Variants in MFNG observed in about 807,000 individuals in gnomAD.
MFNG encodes MFNG O-fucosylpeptide 3-beta-N-acetylglucosaminyltransferase, also known as beta-1,3-N-acetylglucosaminyltransferase manic fringe.
A neutral mutation model predicts 34.2 loss-of-function variants in MFNG; 24 were observed. The ratio of observed to expected loss-of-function variants is 0.70; its 90% CI spans 0.51 to 0.99. MFNG has a LOEUF of 0.99. MFNG is among the 50% of genes least tolerant of loss of function. The pLI is 0.00. For synonymous variants in MFNG, 158 were observed against 179.2 expected (o/e 0.88, Z 0.94); for missense variants, 383 against 424.0 (o/e 0.90, Z 0.85).
chr22:37,476,344 A>G (rs939329193), intron 5 of MFNG, among the ~76,000 whole-genome samples: 3 of 151,908 alleles, frequency 2.0e-5, no homozygotes, highest in African/African-American at 7.3e-5. Flanking sequence ...ATTATGAATA[A>G]TATCACAGGA....
In MFNG at chr22:37,482,096, A is replaced by C. The variant is rs892351142; in HGVS notation, c.256-1327T>G. Among the ~76,000 whole-genome samples the C allele has an allele frequency of 2.0e-5, 3 of 152,196 alleles. No individual in the cohort carries two copies. The highest frequency in any genetic ancestry group is 7.2e-5 in the African/African-American group (3 of 41,450). On this transcript the variant is annotated intron_variant, in intron 1 of 7. Transcript: ENST00000356998. The surrounding 1 kb of genome is among the most constrained non-coding windows in gnomAD (Gnocchi z 4.1). ...ATAGGAGGCCAGGAGGCCGGGAGCC[A>C]GGTTTGACACAGGAAGGGGCAGGAG...
In MFNG at chr22:37,480,622, G is replaced by A. The variant is rs1365850555; in HGVS notation, c.304+99C>T. The A allele has an allele frequency of 1.0e-4, 118 of 1,147,994 alleles. 1 individual carries two copies. The South Asian group carries it at 1.3e-3, about 13-fold the overall frequency. The allele number at this position is 1,147,994 out of a possible 1,614,324, so 71.1% of individuals were successfully genotyped here. A position where few individuals can be genotyped will look rare whatever the true frequency, so the allele number is the denominator to read the frequency against. On this transcript the variant is annotated intron_variant, in intron 2 of 7. Coordinates refer to ENST00000356998, the MANE Select transcript of MFNG (RefSeq NM_002405.4). Reference sequence around the variant, plus strand: ...GAATCTCCACATGCCAAGGGTGGGCGGCCCATTTCCTGGGAACCCTCAGGC... The same window carrying A: ...GAATCTCCACATGCCAAGGGTGGGCAGCCCATTTCCTGGGAACCCTCAGGC...
At chr22:37,477,930 G>T (rs1268642457) in intron 4 of MFNG, among the ~76,000 whole-genome samples, 1 of 152,184 alleles carries the variant, frequency 6.6e-6, no homozygotes, top group Non-Finnish European at 1.5e-5. Flanking sequence ...CCTCAGTCAA[G>T]GTCACAAAGC....
intron 5 of MFNG, among the ~76,000 whole-genome samples, chr22:37,476,643 G>T (rs112544642): frequency 6.6e-6 from 1 of 152,166 alleles, no homozygotes; most frequent in African/African-American, 2.4e-5. Flanking sequence ...TCCATGTGCC[G>T]ACGGGGGGAC....
chr22:37,486,085 G>T lies in MFNG; in HGVS notation c.93C>A (p.Ser31=), dbSNP rs762024440. 1 of 1,613,532 alleles carries T rather than the reference G, an allele frequency of 6.2e-7. No individual in the cohort carries two copies. The highest frequency in any genetic ancestry group is 1.3e-5 in the African/African-American group (1 of 74,928). Residue 31 remains serine, a synonymous_variant, in exon 1 of 8, where the codon TCC becomes TCA. Transcript: ENST00000356998. Reference sequence around the variant, plus strand: ...CGGGGGTCCCTTGTACCCGCTGCGGGGACAGGTTCAAGTGGTACCGCAGAC... The same window carrying T: ...CGGGGGTCCCTTGTACCCGCTGCGGTGACAGGTTCAAGTGGTACCGCAGAC... ...LLCLRYHLNL[S]PQRVQGTPEL...
intron 4 of MFNG, 24 bp downstream of exon 4, chr22:37,479,321 C>A: frequency 1.3e-6 from 2 of 1,541,246 alleles, no homozygotes; most frequent in South Asian, 1.2e-5. Context: ...GGCCAAGGGG[C>A]AAAGGAGGAG....
At position 37,479,451 on chromosome 22, in the gene MFNG, A is replaced by G; in HGVS notation, c.455T>C (p.Leu152Pro). ...DDDNYVNPRA[L>P]LQLLRAFPLA... Reference sequence around the variant, plus strand: ...CGGGAAGGCTCTCAGAAGCTGCAGCAGCGCCCTTGGGTTCACATAGTTGTC... The same window carrying G: ...CGGGAAGGCTCTCAGAAGCTGCAGCGGCGCCCTTGGGTTCACATAGTTGTC... The change falls in exon 4 of 8, where the codon CTG (leucine) becomes CCG (proline). Residue 152 changes from leucine to proline, a missense_variant. Coordinates refer to ENST00000356998, the MANE Select transcript of MFNG (RefSeq NM_002405.4). The G allele has an allele frequency of 6.2e-7, 1 of 1,610,584 alleles. No homozygotes were observed. The highest frequency in any genetic ancestry group is 8.5e-7 in the Non-Finnish European group (1 of 1,178,472).
At chr22:37,480,416 A>G (rs1001203879) in intron 2 of MFNG, 117 bp from the exon 3 acceptor site, 7 of 788,404 alleles carry the variant, frequency 8.9e-6, no homozygotes, top group Middle Eastern at 7.2e-4. Context: ...ACCCACTCCC[A>G]TTTTACACAT....
At chr22:37,481,073 T>TCACACACACACACAATCA in intron 1 of MFNG, 1 of 438,952 alleles carries the variant, frequency 2.3e-6, no homozygotes, top group Admixed American at 3.9e-5. Context: ...CCCTCTTCTA[T>TCACACACACACACAATCA]CACACACACA....
rs549003750 is a variant in MFNG at position 37,471,129 on chromosome 22, C to T, written c.900-1100G>A. On this transcript the variant is annotated intron_variant, in intron 7 of 7. Transcript: ENST00000356998. ...TACACACACAGTGTCCCAGACTCCC[C>T]GTCCCCCAGGACTCCCTCTGGACAA... Among the ~76,000 whole-genome samples the T allele has an allele frequency of 1.7e-3, 255 of 152,294 alleles. 2 individuals carry two copies. The highest frequency in any genetic ancestry group is 5.9e-3 in the African/African-American group (247 of 41,560).
intron 5 of MFNG, among the ~76,000 whole-genome samples, chr22:37,475,950 C>T (rs906467809): frequency 6.6e-6 from 1 of 152,208 alleles, no homozygotes; most frequent in Non-Finnish European, 1.5e-5. Context: ...CAGGGCAAGG[C>T]AGGGCAGGCT....
chr22:37,479,332 G>A lies in MFNG; in HGVS notation c.561+13C>T. The A allele has an allele frequency of 6.4e-7, 1 of 1,562,112 alleles. No homozygotes were observed. Among genetic ancestry groups the A allele is most frequent in the African/African-American group, 1.4e-5 (1 of 72,132 alleles). ...AGCGGGCCAAGGGGCAAAGGAGGAG[G>A]AGAGGGACCCACCGTGCGGTTGTGG... On this transcript the variant is annotated intron_variant, in intron 4 of 7. Transcript: ENST00000356998.
intron 5 of MFNG, among the ~76,000 whole-genome samples, chr22:37,476,224 G>A (rs75110580): frequency 0.028 from 4,201 of 152,028 alleles, 97 homozygotes; most frequent in Middle Eastern, 0.044. Context: ...CAGAAGCCAG[G>A]CCTCGCCACT....
At chr22:37,471,872 G>A (rs1921822046) in intron 7 of MFNG, among the ~76,000 whole-genome samples, 2 of 149,426 alleles carry the variant, frequency 1.3e-5, no homozygotes. Flanking sequence ...GCTGGCAGGT[G>A]CTGGTGTGTG....
Position 37,485,860 on chromosome 22 carries a change from A to C in MFNG, c.255+63T>G, listed in dbSNP as rs960506094. The C allele has an allele frequency of 1.3e-6, 2 of 1,539,764 alleles. No individual in the cohort carries two copies. The highest frequency in any genetic ancestry group is 1.4e-5 in the African/African-American group (1 of 72,738). ...AGTCAGGGACCCCAGCCCAGTAGAA[A>C]GGCCTCTGAGAACCCCTTAGGCCAG... On this transcript the variant is annotated intron_variant, in intron 1 of 7. Transcript: ENST00000356998. The surrounding 1 kb of genome is among the most constrained non-coding windows in gnomAD (Gnocchi z 5.3).
chr22:37,474,484 T>A, intron 6 of MFNG, 28 bp downstream of exon 6: 1 of 1,611,658 alleles, frequency 6.2e-7, no homozygotes, highest in Non-Finnish European at 8.5e-7. Flanking sequence ...CCCTTCCCAT[T>A]TGCCACCTGC....
intron 3 of MFNG, among the ~76,000 whole-genome samples, chr22:37,479,734 T>G (rs1922205330): frequency 6.6e-6 from 1 of 152,122 alleles, no homozygotes; most frequent in Non-Finnish European, 1.5e-5. Context: ...CCAGGTGTGG[T>G]GGCTCACGCC....
intron 5 of MFNG, among the ~76,000 whole-genome samples, chr22:37,475,536 G>A (rs543529731): frequency 6.6e-6 from 1 of 152,260 alleles, no homozygotes; most frequent in East Asian, 1.9e-4. Context: ...TGCAGGATGG[G>A]CTGGAGTCAG....
intron 7 of MFNG, among the ~76,000 whole-genome samples, chr22:37,471,293 G>A (rs1921790495): frequency 6.6e-6 from 1 of 152,204 alleles, no homozygotes; most frequent in African/African-American, 2.4e-5. Flanking sequence ...TCACTACAAG[G>A]AGCAGAAATG....
Sources: allele counts gnomAD v4.1 joint callset (sites outside exome capture counted in the v4.1 genomes callset), GRCh38; gene constraint gnomAD v4.1.1; non-coding constraint Gnocchi (gnomAD v3.1); transcripts MANE v1.5; gene names NCBI Gene and HGNC (gene_info 2026-07-23, HGNC 2026-07-21).